Variants in FHIT observed in about 807,000 individuals in gnomAD.
FHIT encodes the protein fragile histidine triad diadenosine triphosphatase, also known as bis(5'-adenosyl)-triphosphatase.
In FHIT, 19 loss-of-function variants were observed where a neutral mutation model predicts 17.9. That is an observed-to-expected ratio of 1.06 (90% CI 0.74 to 1.56). The LOEUF is 1.56. Among genes scored for constraint, FHIT ranks in the 40% most tolerant of loss-of-function variants. FHIT has a pLI of 0.00. For synonymous variants in FHIT, 81 were observed against 69.7 expected (o/e 1.16, Z -0.81); for missense variants, 248 against 189.2 (o/e 1.31, Z -1.82).
At chr3:60,211,078 A>AAG (rs1226543851) in intron 5 of FHIT, among the ~76,000 whole-genome samples, 2 of 151,026 alleles carry the variant, frequency 1.3e-5, no homozygotes, top group East Asian at 3.9e-4. Flanking sequence ...TAAAAAAAAA[A>AAG]AAAAAAAAAG....
At chr3:60,273,595 C>T (rs868705295) in intron 5 of FHIT, among the ~76,000 whole-genome samples, 20 of 152,062 alleles carry the variant, frequency 1.3e-4, no homozygotes, top group Admixed American at 2.6e-4. Context: ...AGCAACAGTG[C>T]AAGACTCCGT....
At chr3:60,385,039 C>T (rs1289029625) in intron 5 of FHIT, among the ~76,000 whole-genome samples, 1 of 152,076 alleles carries the variant, frequency 6.6e-6, no homozygotes, top group South Asian at 2.1e-4. Context: ...AGATACGTTG[C>T]TAACACAACA....
intron 5 of FHIT, among the ~76,000 whole-genome samples, chr3:60,485,202 G>C (rs1264104006): frequency 2.6e-5 from 4 of 152,148 alleles, no homozygotes; most frequent in African/African-American, 4.8e-5. Flanking sequence ...TACACTGTTG[G>C]TGGGAATGTA....
chr3:59,977,372 G>C (rs535996698), intron 7 of FHIT, among the ~76,000 whole-genome samples: 3 of 152,078 alleles, frequency 2.0e-5, no homozygotes, highest in East Asian at 1.9e-4. Context: ...CATTTTGATT[G>C]ATTTTTGGTG....
At chr3:60,560,857 A>AGAGAGAGT (rs1272768614) in intron 4 of FHIT, among the ~76,000 whole-genome samples, 11 of 143,222 alleles carry the variant, frequency 7.7e-5, no homozygotes, top group Admixed American at 2.1e-4. Context: ...AGAGAGAGAG[A>AGAGAGAGT]GTGTGTGTGT....
intron 4 of FHIT, among the ~76,000 whole-genome samples, chr3:60,799,244 G>A (rs1301236884): frequency 2.0e-5 from 3 of 151,986 alleles, no homozygotes; most frequent in Non-Finnish European, 2.9e-5. Flanking sequence ...GCGCAATCTC[G>A]GCTCACTGCA....
chr3:60,465,575 G>A (rs1461840871), intron 5 of FHIT, among the ~76,000 whole-genome samples: 1 of 152,052 alleles, frequency 6.6e-6, no homozygotes, highest in Non-Finnish European at 1.5e-5. Flanking sequence ...TATATGGCAA[G>A]AGATAGGGGT....
At chr3:59,822,316 A>C (rs985295297) in intron 8 of FHIT, among the ~76,000 whole-genome samples, 2 of 152,220 alleles carry the variant, frequency 1.3e-5, no homozygotes, top group African/African-American at 4.8e-5. Flanking sequence ...GATACCCAGC[A>C]GTGGGACTGC....
At chr3:60,707,986 C>T (rs1553703962) in intron 4 of FHIT, among the ~76,000 whole-genome samples, 1 of 152,192 alleles carries the variant, frequency 6.6e-6, no homozygotes, top group African/African-American at 2.4e-5. Flanking sequence ...ATTATTTCCA[C>T]ATTTGTCAGC....
rs1037747152 is a variant in FHIT at position 60,195,156 on chromosome 3, G to C, written c.104-181004C>G. 9.9e-5 allele frequency among the ~76,000 whole-genome samples: 15 copies of C among 151,798 alleles called. No individual in the cohort carries two copies. The East Asian group carries it at 2.7e-3, about 27-fold the overall frequency. On this transcript the variant is annotated intron_variant, in intron 5 of 9. Coordinates refer to ENST00000492590, the MANE Select transcript of FHIT (RefSeq NM_002012.4). ...ACTCCAGCCTGGGGGACAAGAATGA[G>C]ACTTTGTCTCAAAAAAACAAAAACA...
chr3:60,321,579 C>A (rs1040305447), intron 5 of FHIT, among the ~76,000 whole-genome samples: 1 of 152,170 alleles, frequency 6.6e-6, no homozygotes, highest in South Asian at 2.1e-4. Flanking sequence ...GATCCCAGAA[C>A]TAAGGGGCAG....
chr3:59,968,285 G>C (rs1442308018), intron 7 of FHIT, among the ~76,000 whole-genome samples: 1 of 152,018 alleles, frequency 6.6e-6, no homozygotes, highest in Non-Finnish European at 1.5e-5. Context: ...GTTTCGATAT[G>C]ATTTCACAAT....
intron 4 of FHIT, among the ~76,000 whole-genome samples, chr3:60,683,127 T>A (rs912186294): frequency 2.0e-5 from 3 of 152,184 alleles, no homozygotes; most frequent in Non-Finnish European, 4.4e-5. Context: ...AGAAAAGGAT[T>A]TCTTGAGGTA....
At chr3:59,757,564 G>C (rs1412754196) in intron 8 of FHIT, among the ~76,000 whole-genome samples, 1 of 152,160 alleles carries the variant, frequency 6.6e-6, no homozygotes, top group African/African-American at 2.4e-5. Flanking sequence ...TGCAGTAGGA[G>C]GAATGGTTCA....
At chr3:59,780,827 C>T (rs933459197) in intron 8 of FHIT, among the ~76,000 whole-genome samples, 2 of 152,136 alleles carry the variant, frequency 1.3e-5, no homozygotes, top group African/African-American at 4.8e-5. Context: ...TTCTGTTTAA[C>T]CCGTTTAGTT....
intron 4 of FHIT, among the ~76,000 whole-genome samples, chr3:60,817,279 T>A (rs189161206): frequency 7.2e-5 from 11 of 152,194 alleles, no homozygotes; most frequent in African/African-American, 2.6e-4. Flanking sequence ...GATCTTATCA[T>A]GAAAAACTAG....
At chr3:59,939,209 G>C (rs1706389352) in intron 7 of FHIT, among the ~76,000 whole-genome samples, 1 of 152,168 alleles carries the variant, frequency 6.6e-6, no homozygotes. Context: ...TTTTCTGGGT[G>C]ATATCAGTGA....
rs375447771 is a variant in FHIT, at chr3:61,210,077, C to T, written c.-212-9412G>A. Among the ~76,000 whole-genome samples the T allele has an allele frequency of 3.9e-5, 6 of 152,366 alleles. No homozygotes were observed. The East Asian group carries it at 9.6e-4, about 24-fold the overall frequency. ...TCTGTTGGAGTTTCCTGGGGGTCCA[C>T]TCCAGACTCTGTGTGCCTGGGTATC... is the stretch of plus-strand genomic sequence containing the variant. On this transcript the variant is annotated intron_variant, in intron 1 of 9. Coordinates refer to ENST00000492590, the MANE Select transcript of FHIT (RefSeq NM_002012.4).
At chr3:60,014,898 A>C (rs1700283147) in intron 5 of FHIT, among the ~76,000 whole-genome samples, 1 of 152,162 alleles carries the variant, frequency 6.6e-6, no homozygotes, top group Non-Finnish European at 1.5e-5. Flanking sequence ...TGGTCTCAGC[A>C]ACATATAAGA....
Sources: allele counts gnomAD v4.1 joint callset (sites outside exome capture counted in the v4.1 genomes callset), GRCh38; gene constraint gnomAD v4.1.1; transcripts MANE v1.5; gene names NCBI Gene and HGNC (gene_info 2026-07-23, HGNC 2026-07-21).